Variants in ARMH3 observed in about 807,000 individuals in gnomAD.
ARMH3 encodes the protein armadillo-like helical domain-containing protein 3.
A neutral mutation model predicts 99.1 loss-of-function variants in ARMH3; 60 were observed. That is an observed-to-expected ratio of 0.61 (90% confidence interval 0.49 to 0.75). The LOEUF (loss-of-function observed/expected upper bound fraction) is 0.75. Ranked by LOEUF, ARMH3 falls within the 30% of genes least tolerant of loss-of-function variation. ARMH3 has a pLI of 0.00. For missense variants in ARMH3, 679 were observed against 843.1 expected, an observed-to-expected ratio of 0.81 and a Z score of 2.41; for synonymous variants, 285 against 292.8, an observed-to-expected ratio of 0.97 and a Z score of 0.27.
chr10:101,966,102 C>CTTTTTTTTTTTTT (rs1047048779), intron 20 of ARMH3, among the ~76,000 whole-genome samples: 1 of 126,292 alleles, frequency 7.9e-6, no homozygotes, highest in Non-Finnish European at 1.7e-5. Flanking sequence ...TTTTTCTTTT[C>CTTTTTTTTTTTTT]TTTTTTTTTT....
In ARMH3 at chr10:101,990,558, G is replaced by A. The variant is rs1448673578; in HGVS notation, c.1399C>T (p.Leu467Phe). 6.3e-7 allele frequency: 1 copy of A among 1,584,010 alleles called. No individual in the cohort carries two copies. Among genetic ancestry groups the A allele is most frequent in the Non-Finnish European group, 8.7e-7 (1 of 1,153,162 alleles). The change falls in exon 19 of 26, where the codon CTC becomes TTC. Residue 467 changes from leucine (L) to phenylalanine (F), a missense_variant. Leu to Phe is a conservative substitution (Grantham distance 22). Coordinates refer to ENST00000370033, the MANE Select transcript of ARMH3 (RefSeq NM_024541.3). ...GTACATATTTGTACTTACATATAGA[G>A]ATCCATAGGAAACTCCTTCATCATG... ...THMMKEFPMD[L>F]YIRCIQVVHK... is the part of the protein sequence containing the mutation.
At chr10:102,036,738 G>A (rs1019507231) in intron 2 of ARMH3, among the ~76,000 whole-genome samples, 3 of 152,138 alleles carry the variant, frequency 2.0e-5, no homozygotes, top group South Asian at 2.1e-4. Flanking sequence ...AAACACTGCG[G>A]CTGCAGGGTC....
At chr10:101,883,057 C>T (rs1173283094) in intron 24 of ARMH3, among the ~76,000 whole-genome samples, 1 of 152,132 alleles carries the variant, frequency 6.6e-6, no homozygotes, top group Non-Finnish European at 1.5e-5. Context: ...ACCTCTAGCA[C>T]GTACGTGGAT....
At chr10:101,982,021 CAAAAAA>C (rs71016356) in intron 19 of ARMH3, among the ~76,000 whole-genome samples, 1 of 58,998 alleles carries the variant, frequency 1.7e-5, no homozygotes, top group Non-Finnish European at 2.9e-5. Context: ...GACTCTATCT[CAAAAAA>C]AAAAAAAAAA....
intron 19 of ARMH3, among the ~76,000 whole-genome samples, chr10:101,988,423 C>T (rs948304173): frequency 6.6e-6 from 1 of 152,096 alleles, no homozygotes; most frequent in African/African-American, 2.4e-5. Context: ...TCAGGGACCC[C>T]AGCTAAAATA....
At chr10:102,015,873 C>T (rs2066738244) in intron 8 of ARMH3, among the ~76,000 whole-genome samples, 1 of 152,206 alleles carries the variant, frequency 6.6e-6, no homozygotes, top group Non-Finnish European at 1.5e-5. Flanking sequence ...GTGGCTCATG[C>T]CTGTAATCCT....
At chr10:101,903,702 C>T (rs2068033444) in intron 23 of ARMH3, among the ~76,000 whole-genome samples, 1 of 152,138 alleles carries the variant, frequency 6.6e-6, no homozygotes, top group Non-Finnish European at 1.5e-5. Flanking sequence ...TAGGTTCATG[C>T]CTTCAACAAA....
intron 20 of ARMH3, among the ~76,000 whole-genome samples, chr10:101,974,167 A>G (rs945547017): frequency 2.0e-5 from 3 of 152,210 alleles, no homozygotes; most frequent in African/African-American, 7.2e-5. Context: ...CTTTACCACC[A>G]TAGGCAGTAA....
At chr10:102,050,936 TTAAGAG>T (rs987343062) in intron 1 of ARMH3, among the ~76,000 whole-genome samples, 2 of 150,178 alleles carry the variant, frequency 1.3e-5, no homozygotes, top group African/African-American at 4.9e-5. Flanking sequence ...GGCAGATCAC[TTAAGAG>T]TAAGAATTCA....
At chr10:102,013,417 A>T (rs2066674890) in intron 9 of ARMH3, among the ~76,000 whole-genome samples, 1 of 152,184 alleles carries the variant, frequency 6.6e-6, no homozygotes, top group Non-Finnish European at 1.5e-5. Context: ...TCACGTGTGC[A>T]TTTTTTCCAT....
intron 22 of ARMH3, among the ~76,000 whole-genome samples, chr10:101,951,182 G>C (rs1017703271): frequency 2.6e-5 from 4 of 152,084 alleles, no homozygotes; most frequent in African/African-American, 9.7e-5. Flanking sequence ...ATTTTGTCAG[G>C]GATTGTAAGG....
At chr10:101,851,271 G>T (rs1039121296) in intron 24 of ARMH3, among the ~76,000 whole-genome samples, 3 of 152,178 alleles carry the variant, frequency 2.0e-5, no homozygotes, top group Non-Finnish European at 4.4e-5. Context: ...TGTGACTTCA[G>T]CTTGTAAGAT....
At chr10:101,891,721 G>A (rs1177944829) in intron 23 of ARMH3, among the ~76,000 whole-genome samples, 2 of 152,112 alleles carry the variant, frequency 1.3e-5, no homozygotes, top group Non-Finnish European at 2.9e-5. Context: ...ATAAAATGAC[G>A]GAAATTAGGC....
In ARMH3 at chr10:101,890,872, A is replaced by ATT. The variant is rs1313468909; in HGVS notation, c.1782-1384_1782-1383dup. ...ACATTCTACAGGATACCTGACTGGT[A>ATT]TTTTTTTTTTTTTTTTTTTTGAGAC... is the stretch of plus-strand genomic sequence containing the variant. On this transcript the variant is annotated intron_variant, in intron 23 of 25. Transcript: ENST00000370033. 7.9e-3 allele frequency among the ~76,000 whole-genome samples: 1,038 copies of ATT among 130,890 alleles called. 12 individuals carry two copies. The highest frequency in any genetic ancestry group is 0.025 in the African/African-American group (887 of 35,566). 85.9% of individuals were successfully genotyped at this position (130,890 alleles called of 152,430 possible).
At chr10:102,040,521 C>A (rs1279102080) in intron 1 of ARMH3, among the ~76,000 whole-genome samples, 2 of 152,174 alleles carry the variant, frequency 1.3e-5, no homozygotes, top group Non-Finnish European at 2.9e-5. Context: ...AATGAGACAA[C>A]GTTTAGGAAG....
At position 102,033,228 on chromosome 10, in the gene ARMH3, T is replaced by C. The variant is rs554671801; in HGVS notation, c.159+55A>G. ...CATTTTTAGCTTAGCGCCTAGAATATATGAGAAGGCAATTTTAGTTACCAG... is the reference window on the plus strand; with the variant it reads ...CATTTTTAGCTTAGCGCCTAGAATACATGAGAAGGCAATTTTAGTTACCAG... On this transcript the variant is annotated intron_variant, in intron 3 of 25. Coordinates refer to ENST00000370033, the MANE Select transcript of ARMH3 (RefSeq NM_024541.3). 25 of 1,613,482 alleles carry C rather than the reference T, an allele frequency of 1.5e-5. No homozygotes were observed. In the East Asian group the frequency reaches 1.8e-4, roughly 12 times the overall value.
At chr10:101,993,647 T>A (rs1473302116) in intron 16 of ARMH3, 44 bp from the exon 17 acceptor site, 2 of 1,292,146 alleles carry the variant, frequency 1.5e-6, no homozygotes, top group African/African-American at 3.0e-5. Context: ...GAGCTATATT[T>A]AAGAAACTGT....
Position 102,040,023 on chromosome 10 carries a change from T to C in ARMH3, c.92A>G (p.Glu31Gly), listed in dbSNP as rs1438187319. ...GGCCGCAGGCCTTACCATGAAGATCTCATCATACATCAGCACCACTTTTTC... is the reference window on the plus strand; with the variant it reads ...GGCCGCAGGCCTTACCATGAAGATCCCATCATACATCAGCACCACTTTTTC... ...LKEKVVLMYD[E>G]IFMTEDPSKC... The change falls in exon 2 of 26, where the codon GAG becomes GGG. Residue 31 changes from glutamate (E) to glycine (G), a missense_variant. By Grantham distance (98) the Glu-to-Gly change is moderately conservative. Coordinates refer to ENST00000370033, the MANE Select transcript of ARMH3 (RefSeq NM_024541.3). 1.2e-6 allele frequency: 2 copies of C among 1,613,864 alleles called. No homozygotes were observed. The highest frequency in any genetic ancestry group is 2.7e-5 in the African/African-American group (2 of 74,924).
intron 19 of ARMH3, among the ~76,000 whole-genome samples, chr10:101,986,955 G>A (rs532775892): frequency 2.4e-4 from 36 of 152,114 alleles, no homozygotes; most frequent in Non-Finnish European, 4.1e-4. Context: ...TGGAAAAAGC[G>A]CCTAAGAAAG....
Sources: allele counts gnomAD v4.1 joint callset (sites outside exome capture counted in the v4.1 genomes callset), GRCh38; gene constraint gnomAD v4.1.1; transcripts MANE v1.5; gene names NCBI Gene and HGNC (gene_info 2026-07-23, HGNC 2026-07-21).